The following CD247 variants were observed in gnomAD, a reference collection of about 807,000 sequenced individuals.
CD247 encodes the protein T-cell surface glycoprotein CD3 zeta chain.
CD247 carries 13 observed loss-of-function variants against 30.0 expected under a neutral mutation model. That is an observed-to-expected ratio of 0.43 (90% confidence interval 0.28 to 0.69). The LOEUF (loss-of-function observed/expected upper bound fraction) is 0.69, where lower values mean the gene tolerates loss of function less well. Ranked by LOEUF, CD247 falls within the 30% of genes least tolerant of loss-of-function variation. The pLI, the probability that CD247 is intolerant of heterozygous loss-of-function variation, is 0.16. For synonymous variants in CD247, 72 were observed against 80.0 expected (o/e 0.90, Z 0.53); for missense variants, 193 against 212.6 (o/e 0.91, Z 0.57).
At chr1:167,515,679 A>G (rs538947431) in intron 1 of CD247, among the ~76,000 whole-genome samples, 1 of 152,198 alleles carries the variant, frequency 6.6e-6, no homozygotes, top group South Asian at 2.1e-4. Context: ...CTCTGCAATC[A>G]TTGTTATGTT....
At chr1:167,433,197 G>A in intron 6 of CD247, 138 bp from the exon 7 acceptor site, 1 of 835,148 alleles carries the variant, frequency 1.2e-6, no homozygotes, top group South Asian at 1.4e-5. Context: ...GCCCCTGGGA[G>A]AGAAGGATCC....
chr1:167,516,703 A>G (rs889337754), intron 1 of CD247, among the ~76,000 whole-genome samples: 45 of 152,202 alleles, frequency 3.0e-4, no homozygotes, highest in African/African-American at 1.0e-3. Flanking sequence ...CTAAAATATC[A>G]GTCTCCATAG....
intron 1 of CD247, among the ~76,000 whole-genome samples, chr1:167,508,639 G>A (rs987795001): frequency 3.9e-5 from 6 of 152,164 alleles, no homozygotes; most frequent in Non-Finnish European, 7.3e-5. Flanking sequence ...TTAAGTGGGA[G>A]AAAAGACAAA....
At chr1:167,462,105 C>T (rs1391678997) in intron 1 of CD247, among the ~76,000 whole-genome samples, 1 of 152,196 alleles carries the variant, frequency 6.6e-6, no homozygotes, top group East Asian at 1.9e-4. Context: ...GACTTGGCCA[C>T]TGTCACAGGC....
chr1:167,515,399 T>C (rs1194897009), intron 1 of CD247, among the ~76,000 whole-genome samples: 2 of 152,200 alleles, frequency 1.3e-5, no homozygotes, highest in African/African-American at 4.8e-5. Flanking sequence ...AACTTTTGTC[T>C]ATGAGCCTTA....
chr1:167,485,952 G>GTAATTAA (rs1654189959), intron 1 of CD247, among the ~76,000 whole-genome samples: 1 of 152,108 alleles, frequency 6.6e-6, no homozygotes, highest in Non-Finnish European at 1.5e-5. Flanking sequence ...ACGACTGGAG[G>GTAATTAA]CTGGGGAGGG....
intron 7 of CD247, 110 bp from the exon 8 acceptor site, chr1:167,431,856 C>T: frequency 1.1e-6 from 1 of 925,092 alleles, no homozygotes; most frequent in Non-Finnish European, 1.8e-6. Context: ...TGACCACCCA[C>T]CCAGCCTCCA....
intron 1 of CD247, among the ~76,000 whole-genome samples, chr1:167,486,403 T>C (rs547626048): frequency 1.3e-5 from 2 of 152,242 alleles, no homozygotes; most frequent in East Asian, 1.9e-4. Context: ...GACTGGACAA[T>C]TTCGGAGTGT....
intron 1 of CD247, among the ~76,000 whole-genome samples, chr1:167,517,599 G>T (rs954615339): frequency 6.6e-6 from 1 of 152,246 alleles, no homozygotes; most frequent in Non-Finnish European, 1.5e-5. Context: ...TGTTGGCTGG[G>T]CGCTGCTCGT....
chr1:167,514,146 TA>T (rs60602149), intron 1 of CD247, among the ~76,000 whole-genome samples: 5,529 of 152,268 alleles, frequency 0.036, 178 homozygotes, highest in East Asian at 0.14. Flanking sequence ...TTATTTTATT[TA>T]TTTTTTTGAG....
Position 167,506,956 on chromosome 1 carries a change from G to A in CD247, c.58+11452C>T, listed in dbSNP as rs183620179. On this transcript the variant is annotated intron_variant, in intron 1 of 7. Transcript: ENST00000362089. ...CTGTCGCCCAGGCTGGAGTGCAATG[G>A]TGTGATCTTGGCTCACGGCAACCCC... is the stretch of plus-strand genomic sequence containing the variant. Among the ~76,000 whole-genome samples, 412 of 145,964 alleles carry A rather than the reference G, an allele frequency of 2.8e-3. 2 individuals are homozygous for A. The highest frequency in any genetic ancestry group is 0.01 in the African/African-American group (396 of 38,814).
chr1:167,433,912 G>T, intron 6 of CD247, 108 bp downstream of exon 6: 1 of 1,020,912 alleles, frequency 9.8e-7, no homozygotes, highest in Non-Finnish European at 1.6e-6. Flanking sequence ...GCCACCACAT[G>T]GGCATTTGCA....
chr1:167,501,173 G>C (rs1387872449), intron 1 of CD247, among the ~76,000 whole-genome samples: 1 of 150,406 alleles, frequency 6.6e-6, no homozygotes, highest in Non-Finnish European at 1.5e-5. Flanking sequence ...TCCTGCCTCA[G>C]CCTCCCGAGT....
chr1:167,461,639 G>A (rs1653011570), intron 1 of CD247, among the ~76,000 whole-genome samples: 1 of 152,192 alleles, frequency 6.6e-6, no homozygotes, highest in Non-Finnish European at 1.5e-5. Context: ...CACAAGATCA[G>A]GAGTTCGAGA....
intron 1 of CD247, among the ~76,000 whole-genome samples, chr1:167,446,909 G>A (rs1323723024): frequency 1.3e-5 from 2 of 152,094 alleles, no homozygotes; most frequent in African/African-American, 4.8e-5. Context: ...GCAGGAGAAT[G>A]GTGTGAACCC....
At chr1:167,512,869 C>T (rs2102122696) in intron 1 of CD247, among the ~76,000 whole-genome samples, 1 of 152,310 alleles carries the variant, frequency 6.6e-6, no homozygotes, top group South Asian at 2.1e-4. Flanking sequence ...CACCATAGTG[C>T]CTGCTCCAGA....
chr1:167,495,595 T>C (rs1305180288), intron 1 of CD247, among the ~76,000 whole-genome samples: 1 of 152,244 alleles, frequency 6.6e-6, no homozygotes, highest in Non-Finnish European at 1.5e-5. Flanking sequence ...GTATCTTTTC[T>C]GCTCCAAGTC....
intron 1 of CD247, among the ~76,000 whole-genome samples, chr1:167,458,939 A>G (rs927223794): frequency 6.6e-6 from 1 of 150,720 alleles, no homozygotes; most frequent in South Asian, 2.1e-4. Flanking sequence ...CCTGGCCAAC[A>G]TGGTGAAACC....
intron 1 of CD247, among the ~76,000 whole-genome samples, chr1:167,471,674 C>T (rs1042270115): frequency 7.9e-5 from 12 of 152,108 alleles, no homozygotes; most frequent in African/African-American, 2.9e-4. Context: ...ATGTTCCTAG[C>T]TCACTGCAGC....
Sources: gnomAD v4.1 joint callset for allele counts (sites outside exome capture counted in the v4.1 genomes callset) on GRCh38, gnomAD v4.1.1 for gene constraint, MANE v1.5 for transcripts, NCBI Gene and HGNC (gene_info 2026-07-23, HGNC 2026-07-21) for gene names.